DLG1: variants seen among roughly 807,000 people sequenced by gnomAD.
DLG1 encodes the protein disks large homolog 1.
A neutral mutation model predicts 123.4 loss-of-function variants in DLG1; 42 were observed. That is an observed-to-expected ratio of 0.34 (90% confidence interval 0.27 to 0.44). The LOEUF is 0.44. Among genes scored for constraint, DLG1 ranks in the 20% least tolerant of loss-of-function variants. The pLI is 1.00. For synonymous variants in DLG1, 317 were observed against 356.2 expected, an observed-to-expected ratio of 0.89 and a Z score of 1.24; for missense variants, 942 against 1,082.6, an observed-to-expected ratio of 0.87 and a Z score of 1.82.
chr3:197,177,187 A>G (rs1382146521), intron 5 of DLG1, among the ~76,000 whole-genome samples: 2 of 152,158 alleles, frequency 1.3e-5, no homozygotes, highest in Non-Finnish European at 2.9e-5. Flanking sequence ...CAAAGTTAGT[A>G]GCCTTTTGAG....
chr3:197,112,130 T>A (rs1245274093), intron 13 of DLG1, among the ~76,000 whole-genome samples: 2 of 152,212 alleles, frequency 1.3e-5, no homozygotes, highest in African/African-American at 4.8e-5. Context: ...CTGCTCCACA[T>A]CCTCATCAAT....
intron 4 of DLG1, among the ~76,000 whole-genome samples, chr3:197,220,667 C>A (rs1317729137): frequency 6.6e-6 from 1 of 152,096 alleles, no homozygotes; most frequent in Admixed American, 6.5e-5. Context: ...CCCCACCTAT[C>A]CAGCAGAAAA....
chr3:197,120,804 C>A (rs1775947386), intron 11 of DLG1, among the ~76,000 whole-genome samples: 1 of 152,148 alleles, frequency 6.6e-6, no homozygotes, highest in South Asian at 2.1e-4. Flanking sequence ...CAGTATCCAA[C>A]AGCAATTGTT....
chr3:197,071,217 A>G (rs1043351860), intron 18 of DLG1, among the ~76,000 whole-genome samples: 1 of 152,170 alleles, frequency 6.6e-6, no homozygotes, highest in African/African-American at 2.4e-5. Flanking sequence ...AGTTATTGCA[A>G]TGGGGTGAAG....
Position 197,183,079 on chromosome 3 carries a change from T to C in DLG1, c.483+11346A>G, listed in dbSNP as rs550918785. 2.6e-5 allele frequency among the ~76,000 whole-genome samples: 4 copies of C among 152,328 alleles called. No individual in the cohort carries two copies. The South Asian group carries it at 8.3e-4, about 32-fold the overall frequency. On this transcript the variant is annotated intron_variant, in intron 5 of 24. Transcript: ENST00000667157. ...TGAATAAGCCATAATATAGCTAAGA[T>C]GTCAGTATATATAATACTAGCCAAT...
chr3:197,262,691 C>T (rs778203760), intron 4 of DLG1, among the ~76,000 whole-genome samples: 1 of 152,100 alleles, frequency 6.6e-6, no homozygotes, highest in African/African-American at 2.4e-5. Context: ...ACTGTATTTA[C>T]GTAGAGACTA....
chr3:197,107,523 C>T (rs1016509513), intron 13 of DLG1, among the ~76,000 whole-genome samples: 1 of 151,180 alleles, frequency 6.6e-6, no homozygotes, highest in African/African-American at 2.4e-5. Context: ...CCAGCCTGGG[C>T]GACAGAGCAA....
chr3:197,052,823 T>C (rs1728857885), intron 23 of DLG1, among the ~76,000 whole-genome samples: 2 of 152,130 alleles, frequency 1.3e-5, no homozygotes, highest in South Asian at 4.1e-4. Flanking sequence ...AAGAGAGATG[T>C]GGAGAGAGAA....
intron 5 of DLG1, among the ~76,000 whole-genome samples, chr3:197,167,495 G>GTAAAATAT (rs1802030273): frequency 2.0e-5 from 3 of 152,122 alleles, no homozygotes; most frequent in African/African-American, 7.2e-5. Context: ...TATATCATGT[G>GTAAAATAT]ATAAAATGTA....
intron 4 of DLG1, among the ~76,000 whole-genome samples, chr3:197,222,527 A>G (rs1048188858): frequency 1.2e-4 from 18 of 152,294 alleles, no homozygotes; most frequent in South Asian, 8.3e-4. Flanking sequence ...ATTGTAAGAT[A>G]GGTCTTCTCG....
chr3:197,127,438 AAAAAAAAAAAAAAAAAAAAATATAT>A (rs1328540101), intron 11 of DLG1, among the ~76,000 whole-genome samples: 19 of 44,498 alleles, frequency 4.3e-4, no homozygotes, highest in East Asian at 9.0e-4. Context: ...AAAAAAAAAA[AAAAAAAAAAAAAAAAAAAAATATAT>A]ATATATATAT....
chr3:197,057,888 C>T (rs1383189984), intron 23 of DLG1, among the ~76,000 whole-genome samples: 3 of 151,966 alleles, frequency 2.0e-5, no homozygotes, highest in Non-Finnish European at 2.9e-5. Flanking sequence ...ACACTTTTGG[C>T]TTTGTTGATC....
intron 5 of DLG1, chr3:197,183,998 C>T: frequency 7.1e-6 from 10 of 1,404,786 alleles, no homozygotes; most frequent in Non-Finnish European, 9.2e-6. Flanking sequence ...TATCTTCCCT[C>T]TGTACCTGTT....
At chr3:197,128,997 CA>C (rs1781185012) in intron 11 of DLG1, among the ~76,000 whole-genome samples, 1 of 152,178 alleles carries the variant, frequency 6.6e-6, no homozygotes, top group Non-Finnish European at 1.5e-5. Context: ...ACAGGCTTAG[CA>C]TAATTCCTTG....
chr3:197,134,734 A>C (rs542814058), intron 10 of DLG1, among the ~76,000 whole-genome samples: 12 of 152,224 alleles, frequency 7.9e-5, no homozygotes, highest in Non-Finnish European at 1.3e-4. Flanking sequence ...GAGGGCCATA[A>C]CATGTCACAA....
At chr3:197,196,170 C>G (rs1291889305) in intron 4 of DLG1, among the ~76,000 whole-genome samples, 1 of 52,454 alleles carries the variant, frequency 1.9e-5, no homozygotes, top group Non-Finnish European at 3.6e-5. Context: ...TAAATGCACA[C>G]CAAAAAAAAA....
chr3:197,281,700 G>C (rs1769453863), intron 4 of DLG1, among the ~76,000 whole-genome samples: 1 of 152,200 alleles, frequency 6.6e-6, no homozygotes, highest in African/African-American at 2.4e-5. Context: ...ACTGTGAGTT[G>C]GGTGTTAAGA....
chr3:197,060,434 C>G (rs993206291), intron 22 of DLG1, among the ~76,000 whole-genome samples: 2 of 152,084 alleles, frequency 1.3e-5, no homozygotes, highest in African/African-American at 4.8e-5. Flanking sequence ...GTGCCAGGCC[C>G]AGGTTCCTAT....
chr3:197,108,770 C>T (rs1246689802), intron 13 of DLG1, among the ~76,000 whole-genome samples: 1 of 152,138 alleles, frequency 6.6e-6, no homozygotes, highest in East Asian at 1.9e-4. Flanking sequence ...TAAAGTGTCT[C>T]TCTTGTAGAC....
Sources: gnomAD v4.1 joint callset for allele counts (sites outside exome capture counted in the v4.1 genomes callset) on GRCh38, gnomAD v4.1.1 for gene constraint, MANE v1.5 for transcripts, NCBI Gene and HGNC (gene_info 2026-07-23, HGNC 2026-07-21) for gene names.